Variants in MANBA observed in about 807,000 individuals in gnomAD.
The protein encoded by MANBA is mannosidase beta.
Under a neutral mutation model 111.1 loss-of-function variants are expected in MANBA, and 83 were observed. The ratio of observed to expected loss-of-function variants is 0.75; its 90% confidence interval spans 0.63 to 0.90. The LOEUF is 0.90. Among genes scored for constraint, MANBA ranks in the 40% least tolerant of loss-of-function variants. The pLI is 0.00. For missense variants in MANBA, 1,036 were observed against 1,069.0 expected, an observed-to-expected ratio of 0.97 and a Z score of 0.43; for synonymous variants, 370 against 378.7, an observed-to-expected ratio of 0.98 and a Z score of 0.27.
chr4:102,744,573 G>A (rs981037360), intron 1 of MANBA, among the ~76,000 whole-genome samples: 5 of 152,216 alleles, frequency 3.3e-5, no homozygotes, highest in African/African-American at 1.2e-4. Flanking sequence ...AAAGACATTT[G>A]CCAAATCAAT....
At chr4:102,683,102 G>T (rs1000372766) in intron 7 of MANBA, among the ~76,000 whole-genome samples, 2 of 151,102 alleles carry the variant, frequency 1.3e-5, no homozygotes, top group Admixed American at 6.6e-5. Flanking sequence ...TATTATGTTG[G>T]TTTTTTGCCC....
intron 1 of MANBA, among the ~76,000 whole-genome samples, chr4:102,747,001 C>A (rs116024568): frequency 9.3e-5 from 14 of 150,594 alleles, no homozygotes; most frequent in Non-Finnish European, 2.1e-4. Context: ...AGAAAAAGAA[C>A]CTTTAGCATT....
intron 4 of MANBA, among the ~76,000 whole-genome samples, chr4:102,717,207 C>G (rs1000894404): frequency 5.9e-5 from 9 of 152,218 alleles, no homozygotes; most frequent in Middle Eastern, 3.4e-3. Flanking sequence ...TCAATATACA[C>G]AACAGACACA....
At chr4:102,722,029 C>CAAAAA (rs562110956) in intron 4 of MANBA, among the ~76,000 whole-genome samples, 1 of 87,184 alleles carries the variant, frequency 1.1e-5, no homozygotes, top group Non-Finnish European at 2.2e-5. Flanking sequence ...GACCCAGTCT[C>CAAAAA]AAAAAAAAAA....
chr4:102,707,946 A>G (rs1477166888), intron 5 of MANBA, among the ~76,000 whole-genome samples: 2 of 152,170 alleles, frequency 1.3e-5, no homozygotes, highest in Non-Finnish European at 2.9e-5. Context: ...AAATGATCAA[A>G]TCCACAAGAG....
intron 1 of MANBA, among the ~76,000 whole-genome samples, chr4:102,735,008 C>T (rs1184568351): frequency 6.6e-6 from 1 of 152,210 alleles, no homozygotes; most frequent in Non-Finnish European, 1.5e-5. Flanking sequence ...CACCCTCTCC[C>T]ATTATTTGTG....
chr4:102,697,837 G>C (rs1022230229), intron 5 of MANBA, among the ~76,000 whole-genome samples: 2 of 152,044 alleles, frequency 1.3e-5, no homozygotes, highest in Non-Finnish European at 2.9e-5. Context: ...TGTGTCTTTA[G>C]AGCAGCATGA....
intron 11 of MANBA, among the ~76,000 whole-genome samples, chr4:102,661,197 T>C (rs1360362557): frequency 6.6e-6 from 1 of 152,226 alleles, no homozygotes; most frequent in African/African-American, 2.4e-5. Flanking sequence ...GCCTCAAAAT[T>C]CTCCACCTGT....
intron 11 of MANBA, among the ~76,000 whole-genome samples, chr4:102,662,107 CA>C (rs1327076292): frequency 6.6e-6 from 1 of 152,004 alleles, no homozygotes; most frequent in Non-Finnish European, 1.5e-5. Flanking sequence ...AGAAATGGCA[CA>C]AAGAAGCTAA....
chr4:102,696,965 A>T (rs1321199426), intron 5 of MANBA, among the ~76,000 whole-genome samples: 1 of 152,158 alleles, frequency 6.6e-6, no homozygotes, highest in Non-Finnish European at 1.5e-5. Flanking sequence ...TTAGCCAAAA[A>T]TGTTGGCCCA....
At chr4:102,649,103 G>A (rs2110201777) in intron 13 of MANBA, among the ~76,000 whole-genome samples, 1 of 152,100 alleles carries the variant, frequency 6.6e-6, no homozygotes, top group East Asian at 1.9e-4. Flanking sequence ...TTTTATTGCT[G>A]TGGAGTATTC....
At chr4:102,636,199 A>G (rs1729627217) in intron 14 of MANBA, among the ~76,000 whole-genome samples, 192 bp from the exon 15 acceptor site, 2 of 152,328 alleles carry the variant, frequency 1.3e-5, no homozygotes, top group South Asian at 4.1e-4. Flanking sequence ...CACCCTCACA[A>G]CATCTGGGCA....
chr4:102,700,744 T>G (rs1732992479), intron 5 of MANBA, among the ~76,000 whole-genome samples: 2 of 152,220 alleles, frequency 1.3e-5, no homozygotes, highest in South Asian at 4.1e-4. Context: ...TAATTTATGT[T>G]CTTCTACATT....
At chr4:102,707,822 T>C (rs1733371386) in intron 5 of MANBA, among the ~76,000 whole-genome samples, 1 of 152,000 alleles carries the variant, frequency 6.6e-6, no homozygotes, top group African/African-American at 2.4e-5. Flanking sequence ...GAAAAATATA[T>C]TCCATGCAAA....
rs1249679546 is a variant in MANBA at position 102,635,031 on chromosome 4, T to C, written c.2172A>G (p.Thr724=). ...AGCACACGGGCTCCAGGGAGCTCCA[T>C]GTATGGACTCTCACCTGGGGAGAAA... ...YSMTLSVRVH[T]WSSLEPVCSR... Residue 724 remains threonine, a synonymous_variant, in exon 16 of 17, where the codon ACA becomes ACG. Transcript: ENST00000647097. The C allele has an allele frequency of 6.2e-7, 1 of 1,614,120 alleles. No individual in the cohort carries two copies. Among genetic ancestry groups the C allele is most frequent in the Non-Finnish European group, 8.5e-7 (1 of 1,179,962 alleles).
intron 5 of MANBA, among the ~76,000 whole-genome samples, chr4:102,710,002 G>A (rs1372287613): frequency 3.3e-5 from 5 of 152,038 alleles, no homozygotes; most frequent in Non-Finnish European, 5.9e-5. Flanking sequence ...GTCATAGAAG[G>A]AGCATACCTC....
chr4:102,650,889 C>G (rs1219249401), intron 12 of MANBA, 188 bp from the exon 13 acceptor site: 2 of 583,760 alleles, frequency 3.4e-6, no homozygotes, highest in Non-Finnish European at 6.1e-6. Context: ...CTTGTGGAAA[C>G]TGGAATCACA....
At chr4:102,649,507 AAG>A (rs1730238599) in intron 13 of MANBA, among the ~76,000 whole-genome samples, 1 of 152,174 alleles carries the variant, frequency 6.6e-6, no homozygotes, top group South Asian at 2.1e-4. Context: ...GATTTACAAC[AAG>A]ATTGGGCACA....
chr4:102,748,724 C>T (rs745914033), intron 1 of MANBA, among the ~76,000 whole-genome samples: 21 of 152,092 alleles, frequency 1.4e-4, no homozygotes, highest in South Asian at 4.1e-4. Flanking sequence ...ACCAGCCTGG[C>T]CAACATGATG....
Sources: gnomAD v4.1 joint callset for allele counts (sites outside exome capture counted in the v4.1 genomes callset) on GRCh38, gnomAD v4.1.1 for gene constraint, MANE v1.5 for transcripts, NCBI Gene and HGNC (gene_info 2026-07-23, HGNC 2026-07-21) for gene names.